Variants in MNAT1 observed in about 807,000 individuals in gnomAD.
MNAT1 encodes the protein MNAT1 component of CDK activating kinase.
Under a neutral mutation model 42.0 loss-of-function variants are expected in MNAT1, and 43 were observed. The observed-to-expected ratio is 1.02, with a 90% confidence interval of 0.80 to 1.32. The LOEUF is 1.32. MNAT1 is among the 40% of genes most tolerant of loss of function. The probability of loss-of-function intolerance (pLI) is 0.00; values close to 1 mark genes in which losing one functional copy is unlikely to be tolerated. For missense variants in MNAT1, 306 were observed against 350.4 expected, an observed-to-expected ratio of 0.87 and a Z score of 1.01; for synonymous variants, 118 against 120.0, an observed-to-expected ratio of 0.98 and a Z score of 0.11.
chr14:60,881,131 T>C (rs1219429662), intron 7 of MNAT1, among the ~76,000 whole-genome samples: 1 of 152,228 alleles, frequency 6.6e-6, no homozygotes, highest in Non-Finnish European at 1.5e-5. Context: ...AAATTTTTCA[T>C]ATACAGATTT....
intron 3 of MNAT1, among the ~76,000 whole-genome samples, chr14:60,801,103 A>G (rs2032188231): frequency 6.6e-6 from 1 of 152,206 alleles, no homozygotes; most frequent in African/African-American, 2.4e-5. Context: ...CATTCAGAGA[A>G]GAGATGACAT....
intron 1 of MNAT1, among the ~76,000 whole-genome samples, chr14:60,779,707 A>G (rs1594747671): frequency 6.6e-6 from 1 of 151,464 alleles, no homozygotes; most frequent in Non-Finnish European, 1.5e-5. Flanking sequence ...AATCGCTTGA[A>G]CCCGGGAGGT....
At chr14:60,771,276 T>A (rs1264543739) in intron 1 of MNAT1, among the ~76,000 whole-genome samples, 1 of 152,200 alleles carries the variant, frequency 6.6e-6, no homozygotes, top group South Asian at 2.1e-4. Flanking sequence ...CATTTTACTG[T>A]GGTTTTAAAA....
chr14:60,812,109 G>A lies in MNAT1; in HGVS notation c.543G>A (p.Gln181=), dbSNP rs138553416. 1.3e-6 allele frequency: 2 copies of A among 1,581,836 alleles called. No individual in the cohort carries two copies. Among genetic ancestry groups the A allele is most frequent in the Non-Finnish European group, 1.7e-6 (2 of 1,168,770 alleles). ...LQQILKRKNK[Q]AFLDELESSD... is the part of the protein sequence containing the mutation. Reference sequence around the variant, plus strand: ...AGATTCTAAAAAGGAAGAATAAGCAGGCTTTTTTAGATGAGCTGGTATGTA... The same window carrying A: ...AGATTCTAAAAAGGAAGAATAAGCAAGCTTTTTTAGATGAGCTGGTATGTA... Residue 181 remains glutamine, a synonymous_variant, in exon 5 of 8, where the codon CAG becomes CAA. Transcript: ENST00000261245.
At chr14:60,768,858 C>G (rs984420253) in intron 1 of MNAT1, among the ~76,000 whole-genome samples, 1 of 152,142 alleles carries the variant, frequency 6.6e-6, no homozygotes, top group South Asian at 2.1e-4. Context: ...TGTATAAACC[C>G]TTTTTGTTTT....
At chr14:60,869,334 C>A (rs1331105963) in intron 6 of MNAT1, among the ~76,000 whole-genome samples, 5 of 151,996 alleles carry the variant, frequency 3.3e-5, no homozygotes, top group East Asian at 1.9e-4. Context: ...AGCCACTGCA[C>A]CTGGCCTATA....
intron 6 of MNAT1, among the ~76,000 whole-genome samples, chr14:60,830,925 T>C (rs1052683265): frequency 6.6e-6 from 1 of 152,058 alleles, no homozygotes; most frequent in Non-Finnish European, 1.5e-5. Context: ...TCTAACTTTC[T>C]TAAACATACT....
rs543523555 is a variant in MNAT1, at chr14:60,775,675, TA to T, written c.90-20541del. ...ATTGACTTGTAGATAACAACAGAGATATTTTTTTCATTTTAACCTGAAGGAA... is the reference window on the plus strand; with the variant it reads ...ATTGACTTGTAGATAACAACAGAGATTTTTTTTCATTTTAACCTGAAGGAA... On this transcript the variant is annotated intron_variant, in intron 1 of 7. Coordinates refer to ENST00000261245, the MANE Select transcript of MNAT1 (RefSeq NM_002431.4). Among the ~76,000 whole-genome samples the T allele has an allele frequency of 1.9e-3, 296 of 152,288 alleles. 1 individual carries two copies. Among genetic ancestry groups the T allele is most frequent in the African/African-American group, 6.2e-3 (257 of 41,556 alleles).
intron 7 of MNAT1, among the ~76,000 whole-genome samples, chr14:60,937,139 A>T (rs867919564): frequency 3.2e-4 from 48 of 150,764 alleles, no homozygotes; most frequent in African/African-American, 7.5e-4. Context: ...CTTTGTCAGA[A>T]GAGTAGGTTG....
chr14:60,898,045 T>C (rs2034993987), intron 7 of MNAT1, among the ~76,000 whole-genome samples: 1 of 151,722 alleles, frequency 6.6e-6, no homozygotes, highest in Non-Finnish European at 1.5e-5. Flanking sequence ...CCCTCCATGT[T>C]GCTGCAAATG....
chr14:60,767,500 A>C lies in MNAT1; in HGVS notation c.90-28717A>C, dbSNP rs189280803. On this transcript the variant is annotated intron_variant, in intron 1 of 7. Coordinates refer to ENST00000261245, the MANE Select transcript of MNAT1 (RefSeq NM_002431.4). Reference sequence around the variant, plus strand: ...AGAGGATGGCTGAAGAAAGTAAATAAAATCCAAGTGGTAATTATATCTGTG... The same window carrying C: ...AGAGGATGGCTGAAGAAAGTAAATACAATCCAAGTGGTAATTATATCTGTG... Among the ~76,000 whole-genome samples, 7 of 152,348 alleles carry C rather than the reference A, an allele frequency of 4.6e-5. No individual in the cohort carries two copies. In the South Asian group the frequency reaches 8.3e-4, roughly 18 times the overall value.
chr14:60,793,023 CTTT>C (rs370204362), intron 1 of MNAT1, among the ~76,000 whole-genome samples: 3 of 144,278 alleles, frequency 2.1e-5, no homozygotes, highest in South Asian at 2.2e-4. Flanking sequence ...TCTTCTTCTT[CTTT>C]TTTTTTTTTT....
Position 60,808,453 on chromosome 14 carries a change from T to TA in MNAT1, c.420+26dup, listed in dbSNP as rs763174311. On this transcript the variant is annotated intron_variant, in intron 4 of 7. Transcript: ENST00000261245. ...GGTCGGTTGCTAAGTATTTTCTTCT[T>TA]ATTTTGTCTTAGAAACAAATGTTTC... 5.9e-5 allele frequency: 79 copies of TA among 1,338,818 alleles called. No individual in the cohort carries two copies. The South Asian group carries it at 1.0e-3, about 18-fold the overall frequency. The allele number at this position is 1,338,818 out of a possible 1,614,324, so 82.9% of individuals were successfully genotyped here.
chr14:60,855,212 CG>C (rs1354894220), intron 6 of MNAT1, among the ~76,000 whole-genome samples: 1 of 152,138 alleles, frequency 6.6e-6, no homozygotes, highest in Non-Finnish European at 1.5e-5. Context: ...GTGCTGGCAG[CG>C]AGAATTTCAA....
At chr14:60,952,345 G>A (rs1328100507) in intron 7 of MNAT1, among the ~76,000 whole-genome samples, 3 of 152,212 alleles carry the variant, frequency 2.0e-5, no homozygotes, top group Non-Finnish European at 4.4e-5. Context: ...TGAGAGTCAT[G>A]CAGAGCTTTG....
intron 6 of MNAT1, among the ~76,000 whole-genome samples, chr14:60,855,048 A>T (rs1394616920): frequency 6.6e-6 from 1 of 152,262 alleles, no homozygotes; most frequent in Admixed American, 6.5e-5. Context: ...CAGTCTGGCC[A>T]CAGCTGTTTT....
intron 7 of MNAT1, among the ~76,000 whole-genome samples, chr14:60,897,903 C>T (rs1239417928): frequency 6.6e-6 from 1 of 152,062 alleles, no homozygotes; most frequent in Non-Finnish European, 1.5e-5. Flanking sequence ...CCTTTCCGCC[C>T]TCACACCCTT....
chr14:60,773,368 C>T (rs1204218791), intron 1 of MNAT1, among the ~76,000 whole-genome samples: 1 of 152,008 alleles, frequency 6.6e-6, no homozygotes. Context: ...CTATTTGCAC[C>T]AAAACACAGG....
At chr14:60,840,100 G>C (rs891161312) in intron 6 of MNAT1, among the ~76,000 whole-genome samples, 1 of 152,208 alleles carries the variant, frequency 6.6e-6, no homozygotes, top group South Asian at 2.1e-4. Context: ...GTTTTTCCAA[G>C]TTTTAAATTA....
Sources: gnomAD v4.1 joint callset for allele counts (sites outside exome capture counted in the v4.1 genomes callset) on GRCh38, gnomAD v4.1.1 for gene constraint, MANE v1.5 for transcripts, NCBI Gene and HGNC (gene_info 2026-07-23, HGNC 2026-07-21) for gene names.